The following ZNRF1 variants were observed in gnomAD, a reference collection of about 807,000 sequenced individuals.
ZNRF1 encodes zinc and ring finger 1.
ZNRF1 carries 3 observed loss-of-function variants against 18.4 expected under a neutral mutation model. The ratio of observed to expected loss-of-function variants is 0.16; its 90% confidence interval spans 0.07 to 0.42. ZNRF1 has a LOEUF of 0.42. Among genes scored for constraint, ZNRF1 ranks in the 10% least tolerant of loss-of-function variants. The probability of loss-of-function intolerance (pLI) is 0.99; values close to 1 mark genes in which losing one functional copy is unlikely to be tolerated. For synonymous variants in ZNRF1, 157 were observed against 144.2 expected (o/e 1.09, Z -0.64); for missense variants, 310 against 329.8 (o/e 0.94, Z 0.47).
chr16:75,010,711 G>GTTTTTTTTTTTT (rs67210395), intron 1 of ZNRF1, among the ~76,000 whole-genome samples: 22 of 74,346 alleles, frequency 3.0e-4, no homozygotes, highest in Admixed American at 6.4e-4. Context: ...GTTTTTTTTT[G>GTTTTTTTTTTTT]TTTTTTTGTT....
chr16:75,012,924 C>A (rs140195677), intron 1 of ZNRF1, among the ~76,000 whole-genome samples: 50 of 152,210 alleles, frequency 3.3e-4, no homozygotes, highest in African/African-American at 1.0e-3. Flanking sequence ...AAAGGGGAAA[C>A]AGGAAGTGAG....
At chr16:75,051,579 A>T (rs1460063692) in intron 1 of ZNRF1, among the ~76,000 whole-genome samples, 1 of 149,838 alleles carries the variant, frequency 6.7e-6, no homozygotes, top group Non-Finnish European at 1.5e-5. Context: ...GTGCAGTGGC[A>T]TGATCTCGGC....
intron 1 of ZNRF1, among the ~76,000 whole-genome samples, chr16:75,091,604 C>T (rs996955395): frequency 1.1e-4 from 17 of 149,304 alleles, no homozygotes; most frequent in African/African-American, 4.2e-4. Flanking sequence ...ACAAACATGG[C>T]TCACTGCAGC....
intron 1 of ZNRF1, among the ~76,000 whole-genome samples, chr16:75,054,099 G>T (rs1198405231): frequency 1.3e-5 from 2 of 152,164 alleles, no homozygotes; most frequent in African/African-American, 4.8e-5. Flanking sequence ...CCTAAGCAAG[G>T]ACCCTTAGTT....
chr16:75,070,997 C>G (rs1242559066), intron 1 of ZNRF1, among the ~76,000 whole-genome samples: 3 of 152,086 alleles, frequency 2.0e-5, no homozygotes, highest in Non-Finnish European at 4.4e-5. Flanking sequence ...TGCCCATGGA[C>G]TATGTGGGTC....
At chr16:75,092,319 A>G (rs537763677) in intron 1 of ZNRF1, among the ~76,000 whole-genome samples, 95 of 152,176 alleles carry the variant, frequency 6.2e-4, no homozygotes, top group African/African-American at 2.3e-3. Context: ...GCGATAGAAA[A>G]TCCACATGGA....
chr16:75,020,545 C>G (rs1370590923), intron 1 of ZNRF1, among the ~76,000 whole-genome samples: 1 of 151,052 alleles, frequency 6.6e-6, no homozygotes, highest in Non-Finnish European at 1.5e-5. Context: ...CTTTTCTTTT[C>G]TTTTCTTTTT....
chr16:75,016,906 T>C (rs2035080354), intron 1 of ZNRF1, among the ~76,000 whole-genome samples: 1 of 152,154 alleles, frequency 6.6e-6, no homozygotes, highest in African/African-American at 2.4e-5. Flanking sequence ...AAAACTGTGT[T>C]GGCTAACTGA....
intron 1 of ZNRF1, among the ~76,000 whole-genome samples, chr16:75,072,712 A>G (rs2035884408): frequency 6.6e-6 from 1 of 152,250 alleles, no homozygotes; most frequent in African/African-American, 2.4e-5. Context: ...GTGTTAGAGC[A>G]GGAAGCAATT....
intron 1 of ZNRF1, among the ~76,000 whole-genome samples, chr16:75,001,948 ATAT>A (rs1264419071): frequency 1.3e-5 from 2 of 152,160 alleles, no homozygotes; most frequent in Non-Finnish European, 2.9e-5. Context: ...AGGTTGGAGC[ATAT>A]TAATCCTTTA....
At chr16:75,076,288 T>C (rs555488382) in intron 1 of ZNRF1, among the ~76,000 whole-genome samples, 67 of 152,298 alleles carry the variant, frequency 4.4e-4, no homozygotes, top group Non-Finnish European at 7.5e-4. Flanking sequence ...CATCTAACTC[T>C]ATGAATCTCC....
intron 1 of ZNRF1, among the ~76,000 whole-genome samples, chr16:75,030,351 C>T (rs143355882): frequency 4.6e-5 from 7 of 152,062 alleles, no homozygotes; most frequent in African/African-American, 1.7e-4. Flanking sequence ...ACCCCTACCT[C>T]ACACCACATA....
chr16:75,024,732 G>C (rs1261658490), intron 1 of ZNRF1, among the ~76,000 whole-genome samples: 1 of 152,244 alleles, frequency 6.6e-6, no homozygotes, highest in Non-Finnish European at 1.5e-5. Context: ...AGAAGCAGAA[G>C]ACAACAGACC....
chr16:75,011,276 T>G (rs2034996545), intron 1 of ZNRF1, among the ~76,000 whole-genome samples: 1 of 152,222 alleles, frequency 6.6e-6, no homozygotes, highest in Non-Finnish European at 1.5e-5. Flanking sequence ...ACAAATTAGT[T>G]TTCTGTAATA....
chr16:75,077,053 T>A (rs533512220), intron 1 of ZNRF1, among the ~76,000 whole-genome samples: 10 of 152,282 alleles, frequency 6.6e-5, no homozygotes, highest in Non-Finnish European at 1.5e-4. Flanking sequence ...GATATCCTGC[T>A]TCATAATTTT....
chr16:75,010,404 C>T (rs1289339424), intron 1 of ZNRF1, among the ~76,000 whole-genome samples: 2 of 152,160 alleles, frequency 1.3e-5, no homozygotes, highest in East Asian at 3.8e-4. Context: ...AGTAATAAAT[C>T]TGTGTTATAT....
chr16:75,102,338 C>T (rs530903344), intron 2 of ZNRF1, among the ~76,000 whole-genome samples: 6 of 152,282 alleles, frequency 3.9e-5, no homozygotes, highest in African/African-American at 1.2e-4. Context: ...CTTGGGCTTC[C>T]GGATCCTCAT....
intron 1 of ZNRF1, among the ~76,000 whole-genome samples, chr16:75,058,983 A>C (rs2035703135): frequency 6.6e-6 from 1 of 152,098 alleles, no homozygotes. Flanking sequence ...AATATAAACA[A>C]CTAGATACTG....
chr16:75,055,259 C>G (rs1313299758), intron 1 of ZNRF1, among the ~76,000 whole-genome samples: 2 of 152,212 alleles, frequency 1.3e-5, no homozygotes, highest in African/African-American at 2.4e-5. Context: ...CACTGGCTTA[C>G]TAGAACTTAT....
Sources: gnomAD v4.1 joint callset for allele counts (sites outside exome capture counted in the v4.1 genomes callset) on GRCh38, gnomAD v4.1.1 for gene constraint, MANE v1.5 for transcripts, NCBI Gene and HGNC (gene_info 2026-07-23, HGNC 2026-07-21) for gene names.